PALM2AKAP2: variants seen among roughly 807,000 people sequenced by gnomAD.
PALM2AKAP2 encodes PALM2-AKAP2 fusion protein.
PALM2AKAP2 carries 37 observed loss-of-function variants against 71.5 expected under a neutral mutation model. The observed-to-expected ratio is 0.52, with a 90% CI of 0.40 to 0.68. The LOEUF (loss-of-function observed/expected upper bound fraction) is 0.68, where lower values mean the gene tolerates loss of function less well. Ranked by LOEUF, PALM2AKAP2 falls within the 30% of genes least tolerant of loss-of-function variation. The pLI is 0.00. For synonymous variants in PALM2AKAP2, 468 were observed against 478.8 expected (o/e 0.98, Z 0.29); for missense variants, 1,224 against 1,191.8 (o/e 1.03, Z -0.40).
At chr9:109,699,878 C>G (rs1435244696) in intron 1 of PALM2AKAP2, among the ~76,000 whole-genome samples, 2 of 151,912 alleles carry the variant, frequency 1.3e-5, no homozygotes, top group African/African-American at 4.8e-5. Context: ...CGGGTTCAAG[C>G]AATTCTTCTG....
chr9:110,063,538 C>T (rs1834008683), intron 1 of PALM2AKAP2, among the ~76,000 whole-genome samples: 1 of 151,630 alleles, frequency 6.6e-6, no homozygotes, highest in Non-Finnish European at 1.5e-5. Context: ...CTCCCAGGTT[C>T]AAGTGATTCT....
chr9:109,882,361 A>G (rs1052266728), intron 3 of PALM2AKAP2, among the ~76,000 whole-genome samples: 1 of 152,244 alleles, frequency 6.6e-6, no homozygotes, highest in Non-Finnish European at 1.5e-5. Context: ...CACATGTCTT[A>G]AAGAGCTTTC....
At chr9:110,050,057 G>A (rs1202962461) in intron 1 of PALM2AKAP2, among the ~76,000 whole-genome samples, 1 of 152,248 alleles carries the variant, frequency 6.6e-6, no homozygotes, top group African/African-American at 2.4e-5. Flanking sequence ...GGTCAGATCA[G>A]ACTTTGACAT....
At chr9:109,993,340 G>A (rs1832518815) in intron 6 of PALM2AKAP2, among the ~76,000 whole-genome samples, 1 of 152,070 alleles carries the variant, frequency 6.6e-6, no homozygotes, top group South Asian at 2.1e-4. Flanking sequence ...GGGTTCCCAG[G>A]TGTTATTTAG....
intron 3 of PALM2AKAP2, among the ~76,000 whole-genome samples, chr9:109,902,963 G>A (rs1830362704): frequency 1.3e-5 from 2 of 152,124 alleles, no homozygotes; most frequent in African/African-American, 4.8e-5. Context: ...AGGTCCTTGT[G>A]TTGGTTTCTG....
intron 1 of PALM2AKAP2, among the ~76,000 whole-genome samples, chr9:110,072,090 ACCTATTGGTAAAATATAGAATCTTAAG>A (rs1333629321): frequency 1.8e-4 from 27 of 152,320 alleles, no homozygotes; most frequent in African/African-American, 5.5e-4. Flanking sequence ...ATAACCCTAA[ACCTATTGGTAAAATATAGAATCTTAAG>A]CCTATTGGTA....
At chr9:109,957,844 C>G (rs1588032799) in intron 6 of PALM2AKAP2, among the ~76,000 whole-genome samples, 1 of 152,192 alleles carries the variant, frequency 6.6e-6, no homozygotes, top group Admixed American at 6.5e-5. Flanking sequence ...AATGGAGATT[C>G]AGCCAGTGTT....
At chr9:109,901,796 C>G (rs1422127982) in intron 3 of PALM2AKAP2, among the ~76,000 whole-genome samples, 1 of 152,140 alleles carries the variant, frequency 6.6e-6, no homozygotes. Context: ...TTTGGCAAGA[C>G]TGAGGAAGAC....
chr9:109,896,243 G>A (rs959041754), intron 3 of PALM2AKAP2, among the ~76,000 whole-genome samples: 1 of 152,046 alleles, frequency 6.6e-6, no homozygotes, highest in Admixed American at 6.5e-5. Flanking sequence ...TCACTATCAC[G>A]AGAACAGTAT....
At chr9:109,642,524 A>G (rs1827085753) in intron 1 of PALM2AKAP2, among the ~76,000 whole-genome samples, 1 of 149,932 alleles carries the variant, frequency 6.7e-6, no homozygotes, top group Non-Finnish European at 1.5e-5. Flanking sequence ...CTAATACTAC[A>G]GTCTACAGCA....
At chr9:109,752,896 G>A (rs2118715176) in intron 1 of PALM2AKAP2, among the ~76,000 whole-genome samples, 1 of 152,290 alleles carries the variant, frequency 6.6e-6, no homozygotes, top group South Asian at 2.1e-4. Flanking sequence ...GTAGCAGTGA[G>A]TAGAGAGAAA....
intron 1 of PALM2AKAP2, among the ~76,000 whole-genome samples, chr9:109,849,568 T>G (rs1034562029): frequency 1.3e-5 from 2 of 151,938 alleles, no homozygotes; most frequent in Non-Finnish European, 2.9e-5. Flanking sequence ...GCCAACATGG[T>G]GAAACTCCGT....
At chr9:109,974,559 A>G (rs1832134810) in intron 6 of PALM2AKAP2, among the ~76,000 whole-genome samples, 1 of 152,106 alleles carries the variant, frequency 6.6e-6, no homozygotes, top group Admixed American at 6.5e-5. Context: ...TGTTGCTTAG[A>G]CTGCCAACGC....
chr9:109,711,152 T>A (rs1480495956), intron 1 of PALM2AKAP2, among the ~76,000 whole-genome samples: 1 of 140,378 alleles, frequency 7.1e-6, no homozygotes, highest in East Asian at 2.1e-4. Context: ...GGAATGACCT[T>A]GTTCTTAATT....
At chr9:109,761,143 G>A (rs558845042) in intron 1 of PALM2AKAP2, among the ~76,000 whole-genome samples, 1 of 152,264 alleles carries the variant, frequency 6.6e-6, no homozygotes, top group African/African-American at 2.4e-5. Flanking sequence ...TGAAAAACAG[G>A]CTATACATAA....
chr9:109,997,548 G>A (rs1832596126), intron 6 of PALM2AKAP2, among the ~76,000 whole-genome samples: 1 of 152,208 alleles, frequency 6.6e-6, no homozygotes, highest in African/African-American at 2.4e-5. Context: ...GAGGCACTCA[G>A]AGAGGACTCC....
intron 1 of PALM2AKAP2, among the ~76,000 whole-genome samples, chr9:109,703,697 T>A (rs562496118): frequency 5.1e-4 from 77 of 151,390 alleles, no homozygotes; most frequent in African/African-American, 1.8e-3. Flanking sequence ...ATGGTGTTAG[T>A]GTGAAAGATC....
At chr9:109,980,066 G>A (rs879609526) in intron 6 of PALM2AKAP2, among the ~76,000 whole-genome samples, 13 of 152,116 alleles carry the variant, frequency 8.5e-5, no homozygotes, top group Admixed American at 2.0e-4. Context: ...TGTCATAGCT[G>A]GGCCTGCTCT....
chr9:109,787,934 A>G (rs1827012329), intron 1 of PALM2AKAP2, among the ~76,000 whole-genome samples: 1 of 152,246 alleles, frequency 6.6e-6, no homozygotes, highest in African/African-American at 2.4e-5. Flanking sequence ...TAAGCCTATC[A>G]GCACCCCTGA....
Sources: allele counts gnomAD v4.1 joint callset (sites outside exome capture counted in the v4.1 genomes callset), GRCh38; gene constraint gnomAD v4.1.1; transcripts MANE v1.5; gene names NCBI Gene and HGNC (gene_info 2026-07-23, HGNC 2026-07-21).